Variants in TRDN observed in about 807,000 individuals in gnomAD.
The protein encoded by TRDN is triadin.
Under a neutral mutation model 149.7 loss-of-function variants are expected in TRDN, and 161 were observed. The ratio of observed to expected loss-of-function variants is 1.08; its 90% CI spans 0.95 to 1.23. The LOEUF (loss-of-function observed/expected upper bound fraction) is 1.23. Ranked by LOEUF, TRDN falls within the 50% of genes most tolerant of loss-of-function variation. The probability of loss-of-function intolerance (pLI) is 0.00; values close to 1 mark genes in which losing one functional copy is unlikely to be tolerated. For missense variants in TRDN, 896 were observed against 823.5 expected (o/e 1.09, Z -1.08); for synonymous variants, 294 against 250.5 (o/e 1.17, Z -1.64).
chr6:123,611,005 T>C (rs1357379623), intron 1 of TRDN, among the ~76,000 whole-genome samples: 1 of 152,102 alleles, frequency 6.6e-6, no homozygotes, highest in Non-Finnish European at 1.5e-5. Context: ...AGCTGCTGAG[T>C]GTGATAACAC....
At chr6:123,635,683 A>G (rs554898578) in intron 1 of TRDN, among the ~76,000 whole-genome samples, 1 of 151,936 alleles carries the variant, frequency 6.6e-6, no homozygotes, top group Non-Finnish European at 1.5e-5. Context: ...CAAAAATAAA[A>G]ACAAATATTC....
At chr6:123,363,654 C>T (rs886799561) in intron 20 of TRDN, among the ~76,000 whole-genome samples, 5 of 152,144 alleles carry the variant, frequency 3.3e-5, no homozygotes, top group African/African-American at 1.2e-4. Context: ...TCTACGTAAC[C>T]CCAACCAAAA....
In TRDN at chr6:123,224,074, C is replaced by G; in HGVS notation, c.2014+19G>C. On this transcript the variant is annotated intron_variant, in intron 39 of 40. Coordinates refer to ENST00000334268, the MANE Select transcript of TRDN (RefSeq NM_006073.4). ...CTTTGAGAGAAAACTTGTAAATGAT[C>G]CAAAGACAGCAAACTCACCTTTAGC... 2.5e-6 allele frequency: 4 copies of G among 1,606,744 alleles called. No homozygotes were observed. Among genetic ancestry groups the G allele is most frequent in the Non-Finnish European group, 3.4e-6 (4 of 1,176,344 alleles).
chr6:123,259,563 T>C, intron 35 of TRDN, 61 bp downstream of exon 35: 1 of 1,182,862 alleles, frequency 8.5e-7, no homozygotes, highest in South Asian at 1.4e-5. Flanking sequence ...TATAAATTTG[T>C]TTTTTGTTCC....
At chr6:123,296,397 A>G (rs1280140344) in intron 24 of TRDN, among the ~76,000 whole-genome samples, 1 of 152,158 alleles carries the variant, frequency 6.6e-6, no homozygotes, top group Non-Finnish European at 1.5e-5. Context: ...CAATAAGAAG[A>G]CCATTAGGGG....
intron 9 of TRDN, among the ~76,000 whole-genome samples, chr6:123,480,160 A>C (rs1485561961): frequency 6.6e-6 from 1 of 151,874 alleles, no homozygotes; most frequent in Non-Finnish European, 1.5e-5. Flanking sequence ...AAATATTTAA[A>C]ATATTAGATT....
intron 1 of TRDN, among the ~76,000 whole-genome samples, chr6:123,577,287 G>T (rs1013452916): frequency 4.6e-5 from 7 of 151,708 alleles, no homozygotes; most frequent in African/African-American, 1.7e-4. Context: ...TTCTGCTCCT[G>T]TCCCTCCTGC....
rs560844043 is a variant in TRDN at position 123,291,739 on chromosome 6, G to A, written c.1511-12657C>T. On this transcript the variant is annotated intron_variant, in intron 24 of 40. Coordinates refer to ENST00000334268, the MANE Select transcript of TRDN (RefSeq NM_006073.4). ...TTTGTAAAAAAACTTTTTACAAATG[G>A]CCTAAATATCAAAATCAAATTTTCT... Among the ~76,000 whole-genome samples, 3 of 152,186 alleles carry A rather than the reference G, an allele frequency of 2.0e-5. No individual in the cohort carries two copies. In the East Asian group the frequency reaches 5.8e-4, roughly 29 times the overall value.
At chr6:123,357,568 G>T (rs1171213595) in intron 20 of TRDN, among the ~76,000 whole-genome samples, 1 of 152,116 alleles carries the variant, frequency 6.6e-6, no homozygotes, top group Non-Finnish European at 1.5e-5. Context: ...CTAGTAAGAT[G>T]TGTAGTGCCT....
intron 1 of TRDN, among the ~76,000 whole-genome samples, chr6:123,606,596 C>T (rs776773183): frequency 6.6e-6 from 1 of 151,956 alleles, no homozygotes; most frequent in Non-Finnish European, 1.5e-5. Context: ...TCAGTAGTTA[C>T]TCATATATGG....
chr6:123,547,312 A>G, intron 4 of TRDN, 28 bp downstream of exon 4: 1 of 1,362,300 alleles, frequency 7.3e-7, no homozygotes, highest in Non-Finnish European at 9.8e-7. Flanking sequence ...GAGAAAAATA[A>G]TTATTATCAA....
Position 123,587,315 on chromosome 6 carries a change from C to G in TRDN, c.23-16183G>C, listed in dbSNP as rs556797917. Among the ~76,000 whole-genome samples, 9 of 151,894 alleles carry G rather than the reference C, an allele frequency of 5.9e-5. 1 individual carries two copies. The South Asian group carries it at 1.9e-3, about 32-fold the overall frequency. On this transcript the variant is annotated intron_variant, in intron 1 of 40. Transcript: ENST00000334268. ...GACTGGCGCCAGAGTTTTGGGTCCACGGATAAAACGTGTCTCCTTTGTCTC... is the reference window on the plus strand; with the variant it reads ...GACTGGCGCCAGAGTTTTGGGTCCAGGGATAAAACGTGTCTCCTTTGTCTC...
intron 38 of TRDN, among the ~76,000 whole-genome samples, chr6:123,248,413 C>G (rs1776259866): frequency 1.3e-5 from 2 of 151,812 alleles, no homozygotes; most frequent in South Asian, 4.2e-4. Flanking sequence ...AAAAATTAGC[C>G]AGGTGTGGTG....
Position 123,636,786 on chromosome 6 carries a change from A to G in TRDN, c.-11T>C. The G allele has an allele frequency of 6.2e-7, 1 of 1,611,610 alleles. No individual in the cohort carries two copies. Among genetic ancestry groups the G allele is most frequent in the Non-Finnish European group, 8.5e-7 (1 of 1,178,370 alleles). On this transcript the variant is annotated 5_prime_UTR_variant, in exon 1 of 41. Coordinates refer to ENST00000334268, the MANE Select transcript of TRDN (RefSeq NM_006073.4). ...AGTGATCTCAGTCATGGTGGTCGTC[A>G]AAAGTAAAAGTCAGTTGAAAAGTTC...
chr6:123,398,068 G>C (rs560222416), intron 12 of TRDN, among the ~76,000 whole-genome samples: 29 of 152,294 alleles, frequency 1.9e-4, no homozygotes, highest in African/African-American at 6.5e-4. Context: ...GCAGTGGCAC[G>C]ATCTTGGCTC....
At chr6:123,409,393 C>T (rs1410869139) in intron 12 of TRDN, among the ~76,000 whole-genome samples, 1 of 152,148 alleles carries the variant, frequency 6.6e-6, no homozygotes, top group Non-Finnish European at 1.5e-5. Context: ...AGAAAGGTCA[C>T]GCTTTGAATC....
intron 12 of TRDN, among the ~76,000 whole-genome samples, chr6:123,409,393 C>G (rs1410869139): frequency 6.6e-6 from 1 of 152,148 alleles, no homozygotes; most frequent in Non-Finnish European, 1.5e-5. Flanking sequence ...AGAAAGGTCA[C>G]GCTTTGAATC....
At chr6:123,372,107 G>T (rs1781347950) in intron 19 of TRDN, among the ~76,000 whole-genome samples, 1 of 151,900 alleles carries the variant, frequency 6.6e-6, no homozygotes, top group Admixed American at 6.6e-5. Context: ...AAGCATGCTG[G>T]TTCAGGCCTA....
At chr6:123,265,965 A>G (rs2114600266) in intron 32 of TRDN, among the ~76,000 whole-genome samples, 1 of 146,070 alleles carries the variant, frequency 6.8e-6, no homozygotes, top group South Asian at 2.1e-4. Flanking sequence ...CTTCATAAAA[A>G]GTAGAAAAGA....
Sources: allele counts gnomAD v4.1 joint callset (sites outside exome capture counted in the v4.1 genomes callset), GRCh38; gene constraint gnomAD v4.1.1; transcripts MANE v1.5; gene names NCBI Gene and HGNC (gene_info 2026-07-23, HGNC 2026-07-21).